The following RPSA2 variants were observed in gnomAD, a reference collection of about 807,000 sequenced individuals.
RPSA2 encodes the protein ribosomal protein SA 2, also known as small ribosomal subunit protein uS2B.
the RPSA2 span, among the ~76,000 whole-genome samples, chr19:23,797,088 G>C: frequency 6.6e-6 from 1 of 151,502 alleles, no homozygotes; most frequent in African/African-American, 2.4e-5. Context: ...TGATGTGTTG[G>C]TTTTTTATTT....
At chr19:23,844,702 T>TATAATC in the RPSA2 span, among the ~76,000 whole-genome samples, 1 of 151,084 alleles carries the variant, frequency 6.6e-6, no homozygotes, top group East Asian at 1.9e-4. Context: ...TCCATTTTTT[T>TATAATC]ATAATATAAT....
the RPSA2 span, among the ~76,000 whole-genome samples, chr19:23,816,788 A>G: frequency 1.3e-5 from 2 of 152,188 alleles, no homozygotes; most frequent in African/African-American, 2.4e-5. Flanking sequence ...ATGGTGGCAG[A>G]CAGAGAGCTT....
At chr19:23,798,326 T>C in the RPSA2 span, among the ~76,000 whole-genome samples, 1 of 152,212 alleles carries the variant, frequency 6.6e-6, no homozygotes, top group Admixed American at 6.5e-5. Flanking sequence ...CAGGCTGAAG[T>C]ACTTACACTA....
chr19:23,850,842 G>A, the RPSA2 span, among the ~76,000 whole-genome samples: 238 of 152,256 alleles, frequency 1.6e-3, no homozygotes, highest in African/African-American at 5.6e-3. Flanking sequence ...ATGTAATTGG[G>A]AATGGGGAGT....
chr19:23,784,096 A>G, the RPSA2 span, among the ~76,000 whole-genome samples: 5 of 152,236 alleles, frequency 3.3e-5, no homozygotes, highest in Non-Finnish European at 5.9e-5. Context: ...ACACAGATGT[A>G]ATGATGACTC....
the RPSA2 span, among the ~76,000 whole-genome samples, chr19:23,870,156 C>T: frequency 1.2e-4 from 19 of 152,180 alleles, no homozygotes; most frequent in Non-Finnish European, 2.5e-4. Flanking sequence ...CCTCAGGCAT[C>T]ATAATTTTTG....
At chr19:23,804,411 C>G in the RPSA2 span, among the ~76,000 whole-genome samples, 3 of 151,764 alleles carry the variant, frequency 2.0e-5, no homozygotes, top group African/African-American at 7.2e-5. Flanking sequence ...ATTCTCCTGC[C>G]TCAGCCTCCT....
the RPSA2 span, chr19:23,843,350 G>A: frequency 1.3e-5 from 2 of 156,468 alleles, no homozygotes; most frequent in African/African-American, 4.8e-5. Flanking sequence ...ACCTTAAAAT[G>A]TGGTATGGGA....
the RPSA2 span, among the ~76,000 whole-genome samples, chr19:23,848,414 C>T: frequency 2.6e-5 from 4 of 152,134 alleles, no homozygotes; most frequent in Non-Finnish European, 5.9e-5. Context: ...AATCATAATA[C>T]CAAACATTAC....
the RPSA2 span, among the ~76,000 whole-genome samples, chr19:23,824,580 C>CTTTCT: frequency 0.013 from 813 of 63,788 alleles, 180 homozygotes; most frequent in African/African-American, 0.041. Context: ...TATAGCATTT[C>CTTTCT]TTTTTTTTTT....
the RPSA2 span, among the ~76,000 whole-genome samples, chr19:23,845,366 T>C: frequency 6.6e-6 from 1 of 151,714 alleles, no homozygotes; most frequent in African/African-American, 2.4e-5. Context: ...CATGTAAGCT[T>C]TCTACTTTTT....
the RPSA2 span, chr19:23,790,641 C>A: frequency 3.3e-6 from 1 of 304,586 alleles, no homozygotes; most frequent in South Asian, 4.4e-5. Flanking sequence ...TCTCTAGCTG[C>A]AGATGGAGCT....
the RPSA2 span, among the ~76,000 whole-genome samples, chr19:23,800,692 C>T: frequency 2.6e-5 from 4 of 152,186 alleles, no homozygotes; most frequent in East Asian, 7.7e-4. Context: ...CAGCTCACTG[C>T]AGCCTCCACC....
chr19:23,864,485 C>T, the RPSA2 span, among the ~76,000 whole-genome samples: 1 of 152,218 alleles, frequency 6.6e-6, no homozygotes, highest in Non-Finnish European at 1.5e-5. Flanking sequence ...CTTGAGGAAG[C>T]AACACTATAA....
At chr19:23,830,825 C>T in the RPSA2 span, among the ~76,000 whole-genome samples, 14 of 150,220 alleles carry the variant, frequency 9.3e-5, no homozygotes, top group Admixed American at 8.6e-4. Context: ...ATCATATTGC[C>T]CTATTTTGTA....
chr19:23,814,249 T>G, the RPSA2 span, among the ~76,000 whole-genome samples: 1 of 152,028 alleles, frequency 6.6e-6, no homozygotes, highest in African/African-American at 2.4e-5. Flanking sequence ...CTTCTATGTC[T>G]AATTAAAAGA....
At chr19:23,832,799 C>T in the RPSA2 span, 27 of 1,573,202 alleles carry the variant, frequency 1.7e-5, no homozygotes, top group South Asian at 2.8e-4. Context: ...GGAGAGAAAC[C>T]CTACAAATGT....
chr19:23,803,405 T>A, the RPSA2 span, among the ~76,000 whole-genome samples: 1 of 138,092 alleles, frequency 7.2e-6, no homozygotes, highest in African/African-American at 2.5e-5. Context: ...ATTAAAAAAA[T>A]TTTTTTTAAA....
the RPSA2 span, among the ~76,000 whole-genome samples, chr19:23,863,125 C>T: frequency 1.6e-4 from 24 of 152,046 alleles, no homozygotes; most frequent in Admixed American, 5.2e-4. Context: ...ACAGGTCTAG[C>T]GCAGGTAGAA....
Sources: allele counts gnomAD v4.1 joint callset (sites outside exome capture counted in the v4.1 genomes callset), GRCh38; gene constraint gnomAD v4.1.1; transcripts MANE v1.5; gene names NCBI Gene and HGNC (gene_info 2026-07-23, HGNC 2026-07-21).